ITGAX: variants seen among roughly 807,000 people sequenced by gnomAD.
The protein encoded by ITGAX is integrin subunit alpha X.
ITGAX carries 99 observed loss-of-function variants against 140.2 expected under a neutral mutation model. The observed-to-expected ratio is 0.71, with a 90% confidence interval of 0.60 to 0.83. The LOEUF is 0.83. Ranked by LOEUF, ITGAX falls within the 40% of genes least tolerant of loss-of-function variation. ITGAX has a pLI of 0.00. For synonymous variants in ITGAX, 631 were observed against 600.4 expected (o/e 1.05, Z -0.75); for missense variants, 1,444 against 1,482.0 (o/e 0.97, Z 0.42).
intron 2 of ITGAX, 71 bp downstream of exon 2, chr16:31,356,069 C>T: frequency 1.8e-6 from 2 of 1,097,834 alleles, no homozygotes; most frequent in Non-Finnish European, 2.7e-6. Flanking sequence ...TGCCCCCGGC[C>T]CTGCCCTGTT....
intron 20 of ITGAX, 86 bp from the exon 21 acceptor site, chr16:31,376,713 T>C (rs951624684): frequency 2.5e-6 from 3 of 1,219,376 alleles, no homozygotes; most frequent in African/African-American, 3.0e-5. Flanking sequence ...TGGAATGCTG[T>C]TATATTAGGT....
In ITGAX at chr16:31,356,562, C is replaced by T. The variant is rs140622291; in HGVS notation, c.144-63C>T. The T allele has an allele frequency of 6.8e-4, 796 of 1,177,654 alleles. 2 individuals are homozygous for T. The highest frequency in any genetic ancestry group is 4.3e-3 in the African/African-American group (283 of 66,264). The allele number at this position is 1,177,654 out of a possible 1,614,324, so 73.0% of individuals were successfully genotyped here. A position where few individuals can be genotyped will look rare whatever the true frequency, so the allele number is the denominator to read the frequency against. ...GCTCAGGGAGGGAACGCAAACTTGC[C>T]GGAGTGGCAGCTGTGCTGCAGCGTC... On this transcript the variant is annotated intron_variant, in intron 2 of 29. Transcript: ENST00000268296.
In ITGAX at chr16:31,382,350, AT is replaced by A. The variant is rs2081077537; in HGVS notation, c.*445del. Reference sequence around the variant, plus strand: ...AACCTCCGCCTCCCGGGTTCAAGTAATTCTGCTGTCTCAGCCTCCTGAGTAG... The same window carrying A: ...AACCTCCGCCTCCCGGGTTCAAGTAATCTGCTGTCTCAGCCTCCTGAGTAG... On this transcript the variant is annotated 3_prime_UTR_variant, in exon 30 of 30. Transcript: ENST00000268296. 7.5e-7 allele frequency: 1 copy of A among 1,340,976 alleles called. No individual in the cohort carries two copies. The highest frequency in any genetic ancestry group is 1.3e-5 in the South Asian group (1 of 79,468). The allele number at this position is 1,340,976 out of a possible 1,614,324, so 83.1% of individuals were successfully genotyped here. A position where few individuals can be genotyped will look rare whatever the true frequency, so the allele number is the denominator to read the frequency against.
intron 5 of ITGAX, among the ~76,000 whole-genome samples, chr16:31,359,131 C>T (rs1106398): frequency 0.53 from 81,125 of 151,900 alleles, 22,023 homozygotes; most frequent in Middle Eastern, 0.74. Flanking sequence ...GACCTTCACT[C>T]TTTTGTTGAT....
At chr16:31,376,282 A>G (rs1377383347) in intron 20 of ITGAX, among the ~76,000 whole-genome samples, 1 of 152,188 alleles carries the variant, frequency 6.6e-6, no homozygotes, top group Non-Finnish European at 1.5e-5. Context: ...TGAGATTTCT[A>G]CTTTGGAAGA....
At chr16:31,355,825 C>A in intron 1 of ITGAX, 68 bp from the exon 2 acceptor site, 1 of 1,249,802 alleles carries the variant, frequency 8.0e-7, no homozygotes, top group African/African-American at 1.5e-5. Context: ...ACGCTGGGGC[C>A]GGGGGTGGAG....
Position 31,371,677 on chromosome 16 carries a change from C to A in ITGAX, c.2053C>A (p.Arg685Ser). ...CTTGGACCTGGCCCTCGACCCTGGC[C>A]GCCTGAGTCCCCGTGCCACCTTCCA... ...VTLDLALDPG[R>S]LSPRATFQET... Residue 685 changes from arginine (R) to serine (S), a missense_variant, in exon 17 of 30, where the codon CGC becomes AGC. By Grantham distance (110) the Arg-to-Ser change is moderately radical. Coordinates refer to ENST00000268296, the MANE Select transcript of ITGAX (RefSeq NM_000887.5). 6.2e-7 allele frequency: 1 copy of A among 1,614,142 alleles called. No homozygotes were observed. Among genetic ancestry groups the A allele is most frequent in the Non-Finnish European group, 8.5e-7 (1 of 1,180,032 alleles).
In ITGAX at chr16:31,372,617, T is replaced by A; in HGVS notation, c.2313T>A (p.Cys771Ter). 3 of 1,614,150 alleles carry A rather than the reference T, an allele frequency of 1.9e-6. No homozygotes were observed. Among genetic ancestry groups the A allele is most frequent in the Non-Finnish European group, 2.5e-6 (3 of 1,179,998 alleles). The part of the protein sequence containing the change: ...FTASLPFEKN[C>*]GADHICQDNL... ...CGCAGCTACCCTTTGAGAAGAACTG[T>A]GGAGCCGACCATATCTGCCAGGACA... Residue 771 changes from cysteine to a stop codon, truncating the protein, a stop_gained, in exon 19 of 30, where the codon TGT becomes TGA. Coordinates refer to ENST00000268296, the MANE Select transcript of ITGAX (RefSeq NM_000887.5). LOFTEE classifies it high-confidence loss of function.
intron 4 of ITGAX, 56 bp downstream of exon 4, chr16:31,357,157 C>T (rs774193687): frequency 4.9e-5 from 77 of 1,570,194 alleles, no homozygotes; most frequent in Middle Eastern, 1.8e-4. Context: ...GAGCCGGGGC[C>T]GCGGGGGGCT....
chr16:31,363,338 A>C lies in ITGAX; in HGVS notation c.1674A>C (p.Gly558=), dbSNP rs903733264. 1 of 1,613,802 alleles carries C rather than the reference A, an allele frequency of 6.2e-7. No individual in the cohort carries two copies. Among genetic ancestry groups the C allele is most frequent in the African/African-American group, 1.3e-5 (1 of 74,832 alleles). The change falls in exon 14 of 30, where the codon GGA becomes GGC. Residue 558 remains glycine (G), a synonymous_variant. Coordinates refer to ENST00000268296, the MANE Select transcript of ITGAX (RefSeq NM_000887.5). ...ENRGAVYLFH[G]VLGPSISPSH... ...GGGGTGCTGTCTACCTGTTTCACGG[A>C]GTCTTGGGACCCAGCATCAGCCCCT...
intron 9 of ITGAX, 161 bp from the exon 10 acceptor site, chr16:31,361,675 C>G: frequency 3.6e-6 from 3 of 841,226 alleles, no homozygotes; most frequent in Non-Finnish European, 6.0e-6. Context: ...AGAGGGGGGC[C>G]CCGAAGTCGG....
chr16:31,359,324 C>A (rs2080795168), intron 5 of ITGAX, among the ~76,000 whole-genome samples: 1 of 152,138 alleles, frequency 6.6e-6, no homozygotes, highest in Non-Finnish European at 1.5e-5. Flanking sequence ...TGCCACCACA[C>A]CCACCTAATT....
Position 31,371,800 on chromosome 16 carries a change from A to T in ITGAX, c.2160+16A>T, listed in dbSNP as rs781178035. On this transcript the variant is annotated intron_variant, in intron 17 of 29. Coordinates refer to ENST00000268296, the MANE Select transcript of ITGAX (RefSeq NM_000887.5). Reference sequence around the variant, plus strand: ...GCTGCTCCCGGTGCGTCTGGGCATGAACGTGGGTGGCGGCCGCGCTGGGGC... The same window carrying T: ...GCTGCTCCCGGTGCGTCTGGGCATGTACGTGGGTGGCGGCCGCGCTGGGGC... 6.2e-7 allele frequency: 1 copy of T among 1,612,772 alleles called. No homozygotes were observed. Among genetic ancestry groups the T allele is most frequent in the African/African-American group, 1.3e-5 (1 of 74,910 alleles).
At chr16:31,361,255 G>A (rs200751707) in intron 9 of ITGAX, 42 bp downstream of exon 9, 169 of 1,572,220 alleles carry the variant, frequency 1.1e-4, no homozygotes, top group Middle Eastern at 8.5e-4. Context: ...ATCCTCAGCC[G>A]TTAACACCTT....
At position 31,382,365 on chromosome 16, in the gene ITGAX, C is replaced by T; in HGVS notation, c.*458C>T. ...GGTTCAAGTAATTCTGCTGTCTCAG[C>T]CTCCTGAGTAGCTGGGACTACAGGC... On this transcript the variant is annotated 3_prime_UTR_variant, in exon 30 of 30. Coordinates refer to ENST00000268296, the MANE Select transcript of ITGAX (RefSeq NM_000887.5). 7.1e-7 allele frequency: 1 copy of T among 1,398,840 alleles called. No homozygotes were observed. Among genetic ancestry groups the T allele is most frequent in the Non-Finnish European group, 9.8e-7 (1 of 1,024,018 alleles). The allele number at this position is 1,398,840 out of a possible 1,614,324, so 86.7% of individuals were successfully genotyped here. A position where few individuals can be genotyped will look rare whatever the true frequency, so the allele number is the denominator to read the frequency against.
At chr16:31,357,698 C>T in intron 5 of ITGAX, 3 of 433,042 alleles carry the variant, frequency 6.9e-6, no homozygotes, top group Non-Finnish European at 1.2e-5. Context: ...CCCATGAAGG[C>T]CAGCTGTTGT....
Position 31,380,938 on chromosome 16 carries a change from C to A in ITGAX, c.3318C>A (p.Thr1106=), listed in dbSNP as rs745418122. The change falls in exon 29 of 30, where the codon ACC becomes ACA. Residue 1106 remains threonine, a synonymous_variant. Transcript: ENST00000268296. ...VLEKYKVHNP[T]PLIVGSSIGG... ...AGAAGTACAAGGTCCACAACCCCAC[C>A]CCCCTCATCGTAGGCAGCTCCATTG... 1.2e-6 allele frequency: 2 copies of A among 1,614,016 alleles called. No homozygotes were observed. The highest frequency in any genetic ancestry group is 1.7e-6 in the Non-Finnish European group (2 of 1,180,034).
rs1450950042 is a variant in ITGAX at position 31,376,920 on chromosome 16, G to T, written c.2625+5G>T. 2 of 1,614,086 alleles carry T rather than the reference G, an allele frequency of 1.2e-6. No homozygotes were observed. Among genetic ancestry groups the T allele is most frequent in the East Asian group, 2.2e-5 (1 of 44,900 alleles). On this transcript the variant is annotated splice_donor_5th_base_variant and intron_variant, in intron 21 of 29. Coordinates refer to ENST00000268296, the MANE Select transcript of ITGAX (RefSeq NM_000887.5). ...ATCTTCCGTGGCGGCGCCCAGGTCA[G>T]CCTGGCTTCTGTCCCCTCACTGCTC...
Position 31,377,086 on chromosome 16 carries a change from C to T in ITGAX, c.2705+7C>T, listed in dbSNP as rs369544702. ...TGACAGCCAATGTGAGCAGGTGAGC[C>T]GGGCCAGGCCAGGGGCAGTGCCCCT... On this transcript the variant is annotated splice_region_variant and intron_variant, in intron 22 of 29. Coordinates refer to ENST00000268296, the MANE Select transcript of ITGAX (RefSeq NM_000887.5). 4.4e-5 allele frequency: 71 copies of T among 1,613,998 alleles called. No homozygotes were observed. Among genetic ancestry groups the T allele is most frequent in the Middle Eastern group, 1.6e-4 (1 of 6,084 alleles).
Sources: allele counts gnomAD v4.1 joint callset (sites outside exome capture counted in the v4.1 genomes callset), GRCh38; gene constraint gnomAD v4.1.1; transcripts MANE v1.5; gene names NCBI Gene and HGNC (gene_info 2026-07-23, HGNC 2026-07-21).